DIPK1B: variants seen among roughly 807,000 people sequenced by gnomAD.
DIPK1B encodes the protein family with sequence similarity 69 member B.
DIPK1B carries 17 observed loss-of-function variants against 20.7 expected under a neutral mutation model. That is an observed-to-expected ratio of 0.82 (90% CI 0.56 to 1.23). The LOEUF (loss-of-function observed/expected upper bound fraction) is 1.23, where lower values mean the gene tolerates loss of function less well. DIPK1B is among the 50% of genes most tolerant of loss of function. The pLI is 0.00. For missense variants in DIPK1B, 648 were observed against 601.8 expected (o/e 1.08, Z -0.80); for synonymous variants, 343 against 276.5 (o/e 1.24, Z -2.39).
At chr9:136,722,796 C>A in intron 4 of DIPK1B, 166 bp from the exon 5 acceptor site, 1 of 690,542 alleles carries the variant, frequency 1.4e-6, no homozygotes, top group Non-Finnish European at 2.4e-6. Flanking sequence ...TGACACATTG[C>A]TGGCTGCGTC....
intron 2 of DIPK1B, among the ~76,000 whole-genome samples, chr9:136,719,670 A>G (rs1846560396): frequency 6.6e-6 from 1 of 152,158 alleles, no homozygotes; most frequent in African/African-American, 2.4e-5. Context: ...AAGCCTCTCC[A>G]CACTCTGCTA....
rs1846624348 is a variant in DIPK1B, at chr9:136,722,576, C to A, written c.483+275C>A. The A allele has an allele frequency of 1.8e-6, 1 of 570,302 alleles. No homozygotes were observed. The allele number at this position is 570,302 out of a possible 1,614,324, so 35.3% of individuals were successfully genotyped here. On this transcript the variant is annotated intron_variant, in intron 4 of 4. Coordinates refer to ENST00000371692, the MANE Select transcript of DIPK1B (RefSeq NM_152421.4). ...GGCCGTGTGTCCAGCAGGGCAGGTG[C>A]CCCGAATGGAGACCAGGGCTTGTGG...
intron 2 of DIPK1B, among the ~76,000 whole-genome samples, chr9:136,719,266 G>GAGCTTCCA (rs1846551939): frequency 6.6e-6 from 1 of 152,156 alleles, no homozygotes; most frequent in Admixed American, 6.5e-5. Flanking sequence ...GGAAGCTGCA[G>GAGCTTCCA]CGTCGGTTTC....
Position 136,712,982 on chromosome 9 carries a change from G to A in DIPK1B, c.63+254G>A, listed in dbSNP as rs1046108991. Among the ~76,000 whole-genome samples, 1 of 152,214 alleles carries A rather than the reference G, an allele frequency of 6.6e-6. No homozygotes were observed. Among genetic ancestry groups the A allele is most frequent in the African/African-American group, 2.4e-5 (1 of 41,474 alleles). ...AGGCCCTCGCCCCGACCTGCAGGCG[G>A]TCCCTGCCCCCCAGGCCCAGAAACC... is the stretch of plus-strand genomic sequence containing the variant. On this transcript the variant is annotated intron_variant, in intron 1 of 4. Transcript: ENST00000371692. This position sits in a 1 kb window ranked among gnomAD's most constrained non-coding sequence, Gnocchi z 5.6.
At chr9:136,715,700 G>A (rs1219546585) in intron 1 of DIPK1B, among the ~76,000 whole-genome samples, 1 of 152,008 alleles carries the variant, frequency 6.6e-6, no homozygotes, top group East Asian at 1.9e-4. Flanking sequence ...TTTTAGTAGG[G>A]ATGGCGTTCC....
At position 136,712,741 on chromosome 9, in the gene DIPK1B, C is replaced by T; in HGVS notation, c.63+13C>T. ...CAAGCGCCTGCAGGTAAGCGCGGTG[C>T]GCGCCCGCCGCCCCCGGCCGCCTCT... On this transcript the variant is annotated intron_variant, in intron 1 of 4. Coordinates refer to ENST00000371692, the MANE Select transcript of DIPK1B (RefSeq NM_152421.4). This position sits in a 1 kb window ranked among gnomAD's most constrained non-coding sequence, Gnocchi z 5.6. The T allele has an allele frequency of 2.2e-6, 3 of 1,334,018 alleles. No individual in the cohort carries two copies. The highest frequency in any genetic ancestry group is 2.9e-6 in the Non-Finnish European group (3 of 1,046,602). The allele number at this position is 1,334,018 out of a possible 1,614,324, so 82.6% of individuals were successfully genotyped here.
chr9:136,718,534 C>T (rs1052087939), intron 2 of DIPK1B, among the ~76,000 whole-genome samples: 1 of 152,208 alleles, frequency 6.6e-6, no homozygotes, highest in African/African-American at 2.4e-5. Context: ...CTCTGTCTTC[C>T]TGGCAAACCC....
rs1254152370 is a variant in DIPK1B at position 136,723,800 on chromosome 9, C to T, written c.*26C>T. 2.6e-6 allele frequency: 4 copies of T among 1,525,264 alleles called. No homozygotes were observed. The highest frequency in any genetic ancestry group is 2.7e-5 in the African/African-American group (2 of 72,802). 94.5% of individuals were successfully genotyped at this position (1,525,264 alleles called of 1,614,324 possible). On this transcript the variant is annotated 3_prime_UTR_variant, in exon 5 of 5. Transcript: ENST00000371692. ...TGGGGCAGTGAGGGGCCTGGCCACC[C>T]TTCCTGGAGCTGGCCAGGTGCCAGG...
chr9:136,724,140 C>A lies in DIPK1B; in HGVS notation c.*366C>A, dbSNP rs1418797542. The A allele has an allele frequency of 1.1e-5, 3 of 261,534 alleles. No homozygotes were observed. The highest frequency in any genetic ancestry group is 5.2e-5 in the Admixed American group (1 of 19,384). The allele number at this position is 261,534 out of a possible 1,614,324, so 16.2% of individuals were successfully genotyped here. A position where few individuals can be genotyped will look rare whatever the true frequency, so the allele number is the denominator to read the frequency against. On this transcript the variant is annotated 3_prime_UTR_variant, in exon 5 of 5. Transcript: ENST00000371692. The stretch of plus-strand genomic sequence containing the variant: ...CAGGCACTCAGGCTGGGGTTGAGCC[C>A]CTGAATCCTTCCTGGCGAGGCAGCC...
chr9:136,718,678 A>G (rs552800872), intron 2 of DIPK1B, among the ~76,000 whole-genome samples: 38 of 152,302 alleles, frequency 2.5e-4, no homozygotes, highest in Non-Finnish European at 4.1e-4. Context: ...AGCAGCGGCC[A>G]CTGTGGGTTG....
chr9:136,720,667 G>T (rs904447388), intron 2 of DIPK1B, among the ~76,000 whole-genome samples: 1 of 152,186 alleles, frequency 6.6e-6, no homozygotes, highest in African/African-American at 2.4e-5. Flanking sequence ...GACAGGGAAG[G>T]ACAGGCCCGG....
Position 136,724,442 on chromosome 9 carries a change from C to T in DIPK1B, c.*668C>T, listed in dbSNP as rs904300684. ...GAAACAGCCCAGGAATGGCCATCTTCTCCAGCCCCGTACGCTCTCCCCAGT... is the reference window on the plus strand; with the variant it reads ...GAAACAGCCCAGGAATGGCCATCTTTTCCAGCCCCGTACGCTCTCCCCAGT... On this transcript the variant is annotated 3_prime_UTR_variant, in exon 5 of 5. Transcript: ENST00000371692. 1.3e-5 allele frequency among the ~76,000 whole-genome samples: 2 copies of T among 152,214 alleles called. No individual in the cohort carries two copies. Among genetic ancestry groups the T allele is most frequent in the South Asian group, 2.1e-4 (1 of 4,826 alleles).
chr9:136,717,450 G>A (rs1846514599), intron 1 of DIPK1B, 127 bp from the exon 2 acceptor site: 2 of 1,112,294 alleles, frequency 1.8e-6, no homozygotes, highest in Non-Finnish European at 2.5e-6. Flanking sequence ...GGGTGCCAGG[G>A]GGCCAAGGGG....
intron 2 of DIPK1B, among the ~76,000 whole-genome samples, chr9:136,720,470 T>TC (rs34679175): frequency 0.02 from 3,024 of 150,532 alleles, 94 homozygotes; most frequent in African/African-American, 0.071. Context: ...CCAGGAATTC[T>TC]CCCCCCCCCA....
At chr9:136,720,689 G>A (rs543951505) in intron 2 of DIPK1B, among the ~76,000 whole-genome samples, 84 of 152,306 alleles carry the variant, frequency 5.5e-4, no homozygotes, top group Admixed American at 1.4e-3. Flanking sequence ...GTCATTGTGG[G>A]GCCCCAGGGG....
rs1846649228 is a variant in DIPK1B at position 136,723,404 on chromosome 9, A to T, written c.926A>T (p.Tyr309Phe). The T allele has an allele frequency of 1.2e-6, 2 of 1,612,918 alleles. No individual in the cohort carries two copies. Among genetic ancestry groups the T allele is most frequent in the East Asian group, 2.2e-5 (1 of 44,854 alleles). ...GCCAACGTGGGCTACACAGCCACCT[A>T]CGACTTCAAGATGGCCGACCTGCAG... ...TLANVGYTAT[Y>F]DFKMADLQQV... is the part of the protein sequence containing the mutation. The change falls in exon 5 of 5, where the codon TAC becomes TTC. Residue 309 changes from tyrosine (Y) to phenylalanine (F), a missense_variant. By Grantham distance (22) the Tyr-to-Phe change is conservative. Coordinates refer to ENST00000371692, the MANE Select transcript of DIPK1B (RefSeq NM_152421.4).
chr9:136,723,331 C>T lies in DIPK1B; in HGVS notation c.853C>T (p.Leu285Phe), dbSNP rs374982565. 1.9e-6 allele frequency: 3 copies of T among 1,613,144 alleles called. No homozygotes were observed. The highest frequency in any genetic ancestry group is 2.5e-6 in the Non-Finnish European group (3 of 1,179,890). Residue 285 changes from leucine (L) to phenylalanine (F), a missense_variant, in exon 5 of 5, where the codon CTC (leucine) becomes TTC (phenylalanine). Coordinates refer to ENST00000371692, the MANE Select transcript of DIPK1B (RefSeq NM_152421.4). ...CGGCCTGCTGGAGTTCGTGGAGGAG[C>T]TCTTCCACGGCTCTTACGGGACTTT... is the stretch of plus-strand genomic sequence containing the variant. ...AIGLLEFVEE[L>F]FHGSYGTFYM...
chr9:136,721,666 C>T (rs761648871), intron 2 of DIPK1B: 7 of 500,908 alleles, frequency 1.4e-5, no homozygotes, highest in East Asian at 7.0e-5. Flanking sequence ...TTTGCTGTGC[C>T]GTCCTGTTAC....
chr9:136,715,114 C>A (rs942625736), intron 1 of DIPK1B, among the ~76,000 whole-genome samples: 57 of 152,312 alleles, frequency 3.7e-4, no homozygotes, highest in African/African-American at 1.3e-3. Context: ...TCCCTGGCCG[C>A]AGGTGGACAG....
Sources: allele counts gnomAD v4.1 joint callset (sites outside exome capture counted in the v4.1 genomes callset), GRCh38; gene constraint gnomAD v4.1.1; non-coding constraint Gnocchi (gnomAD v3.1); transcripts MANE v1.5; gene names NCBI Gene and HGNC (gene_info 2026-07-23, HGNC 2026-07-21).